EML3: variants seen among roughly 807,000 people sequenced by gnomAD.
EML3 encodes the protein echinoderm microtubule-associated protein-like 3.
In EML3, 53 loss-of-function variants were observed where a neutral mutation model predicts 106.7. That is an observed-to-expected ratio of 0.50 (90% CI 0.40 to 0.62). EML3 has a LOEUF of 0.62. EML3 is among the 20% of genes least tolerant of loss of function. EML3 has a pLI of 0.00. For synonymous variants in EML3, 499 were observed against 489.6 expected, an observed-to-expected ratio of 1.02 and a Z score of -0.25; for missense variants, 994 against 1,209.1, an observed-to-expected ratio of 0.82 and a Z score of 2.64.
At chr11:62,611,734 A>AGAGGGGAGGAGAC in intron 1 of EML3, 138 bp from the exon 2 acceptor site, 1 of 967,694 alleles carries the variant, frequency 1.0e-6, no homozygotes, top group South Asian at 1.8e-5. Context: ...ATGCTCGTCC[A>AGAGGGGAGGAGAC]GAGGGGAGGA....
At chr11:62,612,389 C>T (rs1418249928) in intron 1 of EML3, 47 bp downstream of exon 1, 3 of 1,494,376 alleles carry the variant, frequency 2.0e-6, no homozygotes, top group Non-Finnish European at 1.8e-6. Flanking sequence ...CCCGACGAGC[C>T]GGGCGCTCCG....
rs746926921 is a variant in EML3, at chr11:62,604,113, C to A, written c.2071G>T (p.Asp691Tyr). The A allele has an allele frequency of 6.2e-7, 1 of 1,614,054 alleles. No individual in the cohort carries two copies. Among genetic ancestry groups the A allele is most frequent in the Non-Finnish European group, 8.5e-7 (1 of 1,180,024 alleles). ...EQLSVVRYSP[D>Y]GLYLAIGSHD... Reference sequence around the variant, plus strand: ...AGTCCAGGGTTGGGGTGGCTCCCACCTGGGCTGTACCGGACCACTGAGAGC... The same window carrying A: ...AGTCCAGGGTTGGGGTGGCTCCCACATGGGCTGTACCGGACCACTGAGAGC... Residue 691 changes from aspartate to tyrosine, a missense_variant and splice_region_variant, in exon 17 of 22, where the codon GAT (aspartate) becomes TAT (tyrosine). Asp to Tyr is a radical substitution (Grantham distance 160). Coordinates refer to ENST00000394773, the MANE Select transcript of EML3 (RefSeq NM_153265.3).
intron 20 of EML3, 86 bp from the exon 21 acceptor site, chr11:62,602,975 C>G: frequency 1.4e-6 from 2 of 1,471,004 alleles, no homozygotes; most frequent in Non-Finnish European, 9.0e-7. Flanking sequence ...CTCCGGCAGC[C>G]GCGGCCACCC....
At chr11:62,610,832 A>C (rs1298690894) in intron 4 of EML3, 47 bp downstream of exon 4, 1 of 1,529,696 alleles carries the variant, frequency 6.5e-7, no homozygotes, top group Non-Finnish European at 9.0e-7. Flanking sequence ...TGGAAAGTCG[A>C]GAGCCTGCGC....
Position 62,602,533 on chromosome 11 carries a change from GCCGGCCCCGCGCCCCCAGCGC to G in EML3, c.2612_2632del (p.Gly871_Pro877del). The G allele has an allele frequency of 2.0e-6, 3 of 1,489,548 alleles. No homozygotes were observed. The highest frequency in any genetic ancestry group is 2.7e-6 in the Non-Finnish European group (3 of 1,120,428). The allele number at this position is 1,489,548 out of a possible 1,614,324, so 92.3% of individuals were successfully genotyped here. On this transcript the variant is annotated inframe_deletion, in exon 22 of 22. Transcript: ENST00000394773. ...GGGGGTTCGAGAGGGCGTGGCGGGC[GCCGGCCCCGCGCCCCCAGCGC>G]CCAGCACTCGCCACTGGAAGATGCT...
chr11:62,602,408 TGGGCCAGGGA>T lies in EML3; in HGVS notation c.*57_*66del, dbSNP rs200234150. 8.9e-7 allele frequency: 1 copy of T among 1,129,598 alleles called. No homozygotes were observed. The highest frequency in any genetic ancestry group is 1.2e-6 in the Non-Finnish European group (1 of 833,834). The allele number at this position is 1,129,598 out of a possible 1,614,324, so 70.0% of individuals were successfully genotyped here. On this transcript the variant is annotated 3_prime_UTR_variant, in exon 22 of 22. Transcript: ENST00000394773. Reference sequence around the variant, plus strand: ...GAGTCGGCCCCTAGTCGTGGGGGATTGGGCCAGGGAAGGGCAGGGCGGGGCGGGGCCACGC... The same window carrying T: ...GAGTCGGCCCCTAGTCGTGGGGGATTAGGGCAGGGCGGGGCGGGGCCACGC...
At position 62,612,750 on chromosome 11, in the gene EML3, C is replaced by T. The variant is rs1242307986; in HGVS notation, c.-293G>A. ...GCCACAGCGCCGCAGCACAAACAGGCGCCGGACGCGGAGCCGCCAGGAAGC... is the reference window on the plus strand; with the variant it reads ...GCCACAGCGCCGCAGCACAAACAGGTGCCGGACGCGGAGCCGCCAGGAAGC... On this transcript the variant is annotated 5_prime_UTR_variant, in exon 1 of 22. Transcript: ENST00000394773. 3.4e-6 allele frequency: 1 copy of T among 290,888 alleles called. No individual in the cohort carries two copies. Among genetic ancestry groups the T allele is most frequent in the Non-Finnish European group, 6.3e-6 (1 of 158,382 alleles). The allele number at this position is 290,888 out of a possible 1,614,324, so 18.0% of individuals were successfully genotyped here.
intron 19 of EML3, among the ~76,000 whole-genome samples, chr11:62,603,528 C>T (rs866440980): frequency 6.6e-6 from 1 of 152,178 alleles, no homozygotes; most frequent in Non-Finnish European, 1.5e-5. Flanking sequence ...CTTTTCTTAG[C>T]GCATTTTTGA....
At position 62,609,509 on chromosome 11, in the gene EML3, C is replaced by G. The variant is rs781538576; in HGVS notation, c.635-32G>C. 17 of 1,543,124 alleles carry G rather than the reference C, an allele frequency of 1.1e-5. 1 individual carries two copies. In the East Asian group the frequency reaches 1.8e-4, roughly 17 times the overall value. On this transcript the variant is annotated intron_variant, in intron 5 of 21. Coordinates refer to ENST00000394773, the MANE Select transcript of EML3 (RefSeq NM_153265.3). ...AGAAAAGGGGTGGTGTCAACTACCC[C>G]CTTCCAGGAAAGACAGAGCAGAACC...
In EML3 at chr11:62,611,069, G is replaced by GGGCC. The variant is rs1261685135; in HGVS notation, c.452+14_452+17dup. On this transcript the variant is annotated intron_variant, in intron 3 of 21. Transcript: ENST00000394773. ...ACCACCCCTCCCAGCTTCCGCCACAGGGCCACAGGACACCTACGTGTCAGC... is the reference window on the plus strand; with the variant it reads ...ACCACCCCTCCCAGCTTCCGCCACAGGGCCGGCCACAGGACACCTACGTGTCAGC... 1.2e-6 allele frequency: 2 copies of GGGCC among 1,601,338 alleles called. No homozygotes were observed. The highest frequency in any genetic ancestry group is 2.7e-5 in the African/African-American group (2 of 74,976).
intron 4 of EML3, 35 bp downstream of exon 4, chr11:62,610,844 T>C (rs1038734481): frequency 8.6e-6 from 13 of 1,517,424 alleles, no homozygotes; most frequent in Non-Finnish European, 1.1e-5. Flanking sequence ...AGCCTGCGCC[T>C]GGGGCGGGGT....
intron 7 of EML3, 48 bp downstream of exon 7, chr11:62,608,913 TC>T: frequency 6.3e-7 from 1 of 1,598,586 alleles, no homozygotes. Flanking sequence ...TGCTTCTCCA[TC>T]CCCCCAGACC....
At position 62,611,408 on chromosome 11, in the gene EML3, T is replaced by C; in HGVS notation, c.194+17A>G. On this transcript the variant is annotated intron_variant, in intron 2 of 21. Coordinates refer to ENST00000394773, the MANE Select transcript of EML3 (RefSeq NM_153265.3). ...GCCCCAAGGAGGAGGAAAAATGGGGTGTGATGACATGCATACCTGTCCCCC... is the reference window on the plus strand; with the variant it reads ...GCCCCAAGGAGGAGGAAAAATGGGGCGTGATGACATGCATACCTGTCCCCC... The C allele has an allele frequency of 6.2e-7, 1 of 1,613,608 alleles. No individual in the cohort carries two copies. Among genetic ancestry groups the C allele is most frequent in the Non-Finnish European group, 8.5e-7 (1 of 1,179,818 alleles).
chr11:62,609,576 C>A (rs968321616), intron 5 of EML3, 53 bp downstream of exon 5: 1 of 1,579,266 alleles, frequency 6.3e-7, no homozygotes, highest in Admixed American at 1.8e-5. Context: ...GGGGCTACAG[C>A]CCAAATCCTA....
chr11:62,606,338 A>C, intron 12 of EML3, 124 bp from the exon 13 acceptor site: 56 of 1,087,276 alleles, frequency 5.2e-5, no homozygotes, highest in Non-Finnish European at 6.4e-5. Context: ...ACTATGTCTC[A>C]TCCTCATACT....
At chr11:62,611,780 G>A in intron 1 of EML3, 184 bp from the exon 2 acceptor site, 1 of 671,286 alleles carries the variant, frequency 1.5e-6, no homozygotes, top group Non-Finnish European at 2.4e-6. Context: ...CCTTCTGGCA[G>A]GGCAGGCGAG....
At chr11:62,603,883 C>G (rs1825301872) in intron 18 of EML3, 61 bp downstream of exon 18, 1 of 1,610,672 alleles carries the variant, frequency 6.2e-7, no homozygotes, top group Admixed American at 1.7e-5. Flanking sequence ...CCCCTTGATG[C>G]ATCAGACCCC....
At position 62,605,319 on chromosome 11, in the gene EML3, A is replaced by C; in HGVS notation, c.1915-139T>G. On this transcript the variant is annotated intron_variant, in intron 15 of 21. Coordinates refer to ENST00000394773, the MANE Select transcript of EML3 (RefSeq NM_153265.3). This position sits in a 1 kb window ranked among gnomAD's most constrained non-coding sequence, Gnocchi z 5.2. ...GAGAGGGAAGGGATACCCGGGTATC[A>C]CTGGAGCCTGAACAGGGAGTGATAC... 1 of 849,264 alleles carries C rather than the reference A, an allele frequency of 1.2e-6. No individual in the cohort carries two copies. The allele number at this position is 849,264 out of a possible 1,614,324, so 52.6% of individuals were successfully genotyped here. A position where few individuals can be genotyped will look rare whatever the true frequency, so the allele number is the denominator to read the frequency against.
chr11:62,605,176 G>A lies in EML3; in HGVS notation c.1919C>T (p.Thr640Ile), dbSNP rs199927312. 2.5e-6 allele frequency: 4 copies of A among 1,612,566 alleles called. No homozygotes were observed. The Admixed American group carries it at 6.7e-5, about 27-fold the overall frequency. The change falls in exon 16 of 22, where the codon ACT becomes ATT. Residue 640 changes from threonine (T) to isoleucine (I), a missense_variant. Thr to Ile is a moderately conservative substitution (Grantham distance 89). Transcript: ENST00000394773. This position sits in a 1 kb window ranked among gnomAD's most constrained non-coding sequence, Gnocchi z 5.2. ...ALAWSIDLKE[T>I]GLCADFHPSG... ...CGGGTGGAAGTCAGCACAGAGACCA[G>A]TCTCCTGGGAGAGGGGAGAAGGTGA... is the stretch of plus-strand genomic sequence containing the variant.
Sources: gnomAD v4.1 joint callset for allele counts (sites outside exome capture counted in the v4.1 genomes callset) on GRCh38, gnomAD v4.1.1 for gene constraint, Gnocchi (gnomAD v3.1) non-coding constraint, MANE v1.5 for transcripts, NCBI Gene and HGNC (gene_info 2026-07-23, HGNC 2026-07-21) for gene names.